SLC35F4: variants seen among roughly 807,000 people sequenced by gnomAD.
SLC35F4 encodes the protein chromosome 14 open reading frame 36.
A neutral mutation model predicts 44.2 loss-of-function variants in SLC35F4; 24 were observed. That is an observed-to-expected ratio of 0.54 (90% CI 0.39 to 0.76). SLC35F4 has a LOEUF of 0.76. Among genes scored for constraint, SLC35F4 ranks in the 30% least tolerant of loss-of-function variants. SLC35F4 has a pLI of 0.00. For synonymous variants in SLC35F4, 238 were observed against 223.6 expected, an observed-to-expected ratio of 1.06 and a Z score of -0.57; for missense variants, 562 against 586.1, an observed-to-expected ratio of 0.96 and a Z score of 0.42.
intron 1 of SLC35F4, among the ~76,000 whole-genome samples, chr14:57,799,243 G>A (rs541682422): frequency 6.6e-6 from 1 of 152,300 alleles, no homozygotes; most frequent in African/African-American, 2.4e-5. Flanking sequence ...AGCAGTGATT[G>A]TGCAGCCCCA....
At chr14:57,861,993 C>T (rs921339328) in intron 1 of SLC35F4, among the ~76,000 whole-genome samples, 1 of 152,196 alleles carries the variant, frequency 6.6e-6, no homozygotes, top group Non-Finnish European at 1.5e-5. Context: ...CAGACATCTA[C>T]TCTGAACTCT....
At chr14:57,589,579 G>T in intron 2 of SLC35F4, 66 bp from the exon 3 acceptor site, 1 of 1,442,656 alleles carries the variant, frequency 6.9e-7, no homozygotes, top group Non-Finnish European at 9.2e-7. Context: ...AAATATATCA[G>T]CTCCTTAAAA....
intron 1 of SLC35F4, among the ~76,000 whole-genome samples, chr14:57,713,975 A>G (rs2075874264): frequency 6.6e-6 from 1 of 152,120 alleles, no homozygotes; most frequent in Non-Finnish European, 1.5e-5. Flanking sequence ...TAACCACACA[A>G]ATATTTCTGC....
chr14:57,657,122 T>G (rs1437601244), intron 1 of SLC35F4, among the ~76,000 whole-genome samples: 1 of 152,234 alleles, frequency 6.6e-6, no homozygotes, highest in Admixed American at 6.5e-5. Flanking sequence ...CTCAAACGCC[T>G]TTTGTTTGCT....
At chr14:57,953,828 G>A (rs1890186655) in intron 1 of SLC35F4, among the ~76,000 whole-genome samples, 1 of 152,078 alleles carries the variant, frequency 6.6e-6, no homozygotes, top group African/African-American at 2.4e-5. Flanking sequence ...AATAATAGTG[G>A]GAGACTTTAA....
intron 1 of SLC35F4, among the ~76,000 whole-genome samples, chr14:57,745,255 C>T (rs952011554): frequency 1.3e-5 from 2 of 152,158 alleles, no homozygotes; most frequent in Admixed American, 1.3e-4. Flanking sequence ...AACTAAACAG[C>T]TTCTGCACAG....
intron 4 of SLC35F4, among the ~76,000 whole-genome samples, chr14:57,575,391 G>C (rs2068729884): frequency 1.3e-5 from 2 of 152,138 alleles, no homozygotes; most frequent in Admixed American, 1.3e-4. Context: ...TGAGGCAGGA[G>C]AATCTCTTGA....
rs2070334094 is a variant in SLC35F4 at position 57,593,816 on chromosome 14, G to C, written c.289+123C>G. ...CTTCCTTATCCTCCGGCTTGATAAA[G>C]CTTCCCCACATGTACTCATAAGAGT... On this transcript the variant is annotated intron_variant, in intron 2 of 7. Coordinates refer to ENST00000556826, the MANE Select transcript of SLC35F4 (RefSeq NM_001306087.2). 1.9e-6 allele frequency: 2 copies of C among 1,046,488 alleles called. 1 individual carries two copies. Among genetic ancestry groups the C allele is most frequent in the South Asian group, 3.4e-5 (2 of 58,620 alleles). 64.8% of individuals were successfully genotyped at this position (1,046,488 alleles called of 1,614,324 possible).
chr14:57,843,743 G>A (rs1173044728), intron 1 of SLC35F4, among the ~76,000 whole-genome samples: 2 of 152,104 alleles, frequency 1.3e-5, no homozygotes, highest in Non-Finnish European at 1.5e-5. Context: ...AACTGAAACT[G>A]TACTTTTATT....
At chr14:57,868,991 G>C (rs1420380588), upstream of SLC35F4, among the ~76,000 whole-genome samples, 1 of 152,112 alleles carries the variant, frequency 6.6e-6, no homozygotes, top group Non-Finnish European at 1.5e-5. Flanking sequence ...TTCTCTAGTA[G>C]TTGTAAATTA....
chr14:57,819,812 CAAAAAA>C (rs200256387), intron 1 of SLC35F4, among the ~76,000 whole-genome samples: 1 of 108,128 alleles, frequency 9.2e-6, no homozygotes, highest in Non-Finnish European at 2.1e-5. Flanking sequence ...GACCCCGTCT[CAAAAAA>C]AAAAAAAAAA....
downstream of SLC35F4, among the ~76,000 whole-genome samples, chr14:57,973,321 C>T (rs1214140507): frequency 6.6e-6 from 1 of 152,172 alleles, no homozygotes; most frequent in Non-Finnish European, 1.5e-5. Context: ...AACTTTCAGG[C>T]AGCCAGAGAA....
At chr14:57,915,756 T>C (rs959693243) in intron 1 of SLC35F4, among the ~76,000 whole-genome samples, 1 of 152,188 alleles carries the variant, frequency 6.6e-6, no homozygotes, top group Non-Finnish European at 1.5e-5. Context: ...AGTGTCCAGA[T>C]TTCTACCAAT....
intron 1 of SLC35F4, among the ~76,000 whole-genome samples, chr14:57,883,656 T>C (rs1888589694): frequency 6.6e-6 from 1 of 152,370 alleles, no homozygotes. Flanking sequence ...CTATTTTGAC[T>C]GAATTCCCAC....
intron 1 of SLC35F4, among the ~76,000 whole-genome samples, chr14:57,833,902 C>A (rs1397090604): frequency 6.6e-6 from 1 of 152,168 alleles, no homozygotes; most frequent in Non-Finnish European, 1.5e-5. Context: ...AGAAACCAAG[C>A]AACAGCCTCA....
chr14:57,713,877 C>T (rs542997553), intron 1 of SLC35F4, among the ~76,000 whole-genome samples: 2 of 152,280 alleles, frequency 1.3e-5, no homozygotes, highest in South Asian at 4.1e-4. Context: ...TCCAATCTTC[C>T]ATCGAACTGC....
At chr14:57,664,453 G>C (rs2074241268) in intron 1 of SLC35F4, among the ~76,000 whole-genome samples, 1 of 152,068 alleles carries the variant, frequency 6.6e-6, no homozygotes, top group African/African-American at 2.4e-5. Context: ...CCGTCATCCA[G>C]GCTGAAGTAC....
At chr14:57,642,803 G>C (rs1009617699) in intron 1 of SLC35F4, among the ~76,000 whole-genome samples, 3 of 151,754 alleles carry the variant, frequency 2.0e-5, no homozygotes, top group South Asian at 2.1e-4. Context: ...CAGGAATTCA[G>C]ATTTTTACCA....
At chr14:57,693,308 G>T (rs1212766299) in intron 1 of SLC35F4, among the ~76,000 whole-genome samples, 1 of 152,092 alleles carries the variant, frequency 6.6e-6, no homozygotes, top group African/African-American at 2.4e-5. Flanking sequence ...CCAAAATCTG[G>T]CCATAAATTG....
Sources: allele counts gnomAD v4.1 joint callset (sites outside exome capture counted in the v4.1 genomes callset), GRCh38; gene constraint gnomAD v4.1.1; transcripts MANE v1.5; gene names NCBI Gene and HGNC (gene_info 2026-07-23, HGNC 2026-07-21).